The following SLC9A9 variants were observed in gnomAD, a reference collection of about 807,000 sequenced individuals.
SLC9A9 encodes sodium/hydrogen exchanger 9.
In SLC9A9, 62 loss-of-function variants were observed where a neutral mutation model predicts 77.8. That is an observed-to-expected ratio of 0.80 (90% CI 0.65 to 0.98). The LOEUF is 0.98. SLC9A9 is among the 50% of genes least tolerant of loss of function. The probability of loss-of-function intolerance (pLI) is 0.00; values close to 1 mark genes in which losing one functional copy is unlikely to be tolerated. For missense variants in SLC9A9, 775 were observed against 774.9 expected (o/e 1.00, Z 0.00); for synonymous variants, 320 against 283.5 (o/e 1.13, Z -1.29).
chr3:143,839,405 T>C (rs1303135595), intron 1 of SLC9A9, among the ~76,000 whole-genome samples: 1 of 152,126 alleles, frequency 6.6e-6, no homozygotes, highest in Non-Finnish European at 1.5e-5. Context: ...TAGAGTCATA[T>C]GAAAACTGCC....
chr3:143,734,641 G>C (rs1349633709), intron 4 of SLC9A9, among the ~76,000 whole-genome samples: 1 of 151,712 alleles, frequency 6.6e-6, no homozygotes, highest in South Asian at 2.1e-4. Flanking sequence ...GGCTGAGGCA[G>C]GGGAATCACT....
intron 14 of SLC9A9, among the ~76,000 whole-genome samples, chr3:143,335,839 A>T (rs1219749105): frequency 6.6e-6 from 1 of 152,200 alleles, no homozygotes; most frequent in Non-Finnish European, 1.5e-5. Context: ...AGCCTTTATG[A>T]TATTGGACTC....
chr3:143,705,952 T>G (rs1393779674), intron 4 of SLC9A9, among the ~76,000 whole-genome samples: 1 of 152,222 alleles, frequency 6.6e-6, no homozygotes, highest in Non-Finnish European at 1.5e-5. Context: ...AAGCGCTAAG[T>G]GTCCTACGAG....
chr3:143,363,047 C>A (rs938414716), intron 14 of SLC9A9, among the ~76,000 whole-genome samples: 1 of 152,110 alleles, frequency 6.6e-6, no homozygotes, highest in African/African-American at 2.4e-5. Flanking sequence ...CAGCATGAAA[C>A]AAAAACACAC....
intron 4 of SLC9A9, among the ~76,000 whole-genome samples, chr3:143,764,794 T>A (rs2007246992): frequency 6.6e-6 from 1 of 152,154 alleles, no homozygotes; most frequent in African/African-American, 2.4e-5. Flanking sequence ...CCAGACTGGT[T>A]TCTAACTCCT....
intron 4 of SLC9A9, among the ~76,000 whole-genome samples, chr3:143,749,235 C>T (rs1935277185): frequency 6.6e-6 from 1 of 152,116 alleles, no homozygotes; most frequent in Non-Finnish European, 1.5e-5. Context: ...TTGTTAAGAA[C>T]AAAAATAGCT....
At chr3:143,750,133 G>A (rs1314706101) in intron 4 of SLC9A9, among the ~76,000 whole-genome samples, 2 of 152,288 alleles carry the variant, frequency 1.3e-5, no homozygotes, top group East Asian at 3.9e-4. Context: ...GCATAATGCC[G>A]TATTGTCTTG....
chr3:143,760,417 C>T (rs888289193), intron 4 of SLC9A9, among the ~76,000 whole-genome samples: 12 of 152,158 alleles, frequency 7.9e-5, no homozygotes, highest in Non-Finnish European at 1.2e-4. Flanking sequence ...TCCCTGTTTG[C>T]GGATGACATG....
intron 14 of SLC9A9, among the ~76,000 whole-genome samples, chr3:143,351,778 G>A (rs886746698): frequency 1.2e-4 from 18 of 152,098 alleles, no homozygotes; most frequent in African/African-American, 4.3e-4. Context: ...GAGTCTGAAG[G>A]CCTTCAGGTC....
At chr3:143,296,966 T>C (rs1172833799) in intron 14 of SLC9A9, among the ~76,000 whole-genome samples, 2 of 152,244 alleles carry the variant, frequency 1.3e-5, no homozygotes, top group African/African-American at 4.8e-5. Flanking sequence ...TTTCTTCCAT[T>C]CTACAGGTTG....
At chr3:143,351,104 A>G (rs1453276648) in intron 14 of SLC9A9, among the ~76,000 whole-genome samples, 1 of 152,220 alleles carries the variant, frequency 6.6e-6, no homozygotes, top group Admixed American at 6.5e-5. Flanking sequence ...CTTTTTGATT[A>G]TGATCCCATT....
At chr3:143,370,565 GCGCA>G (rs1334121882) in intron 13 of SLC9A9, among the ~76,000 whole-genome samples, 1 of 38,382 alleles carries the variant, frequency 2.6e-5, no homozygotes, top group African/African-American at 1.2e-4. Flanking sequence ...ATGCATGTGC[GCGCA>G]CACACACACA....
chr3:143,645,936 A>C (rs1424570783), intron 6 of SLC9A9, among the ~76,000 whole-genome samples: 3 of 152,072 alleles, frequency 2.0e-5, no homozygotes, highest in Non-Finnish European at 2.9e-5. Context: ...CACACTGTGG[A>C]ATTATTTTAT....
At chr3:143,760,891 C>T (rs2108831980) in intron 4 of SLC9A9, among the ~76,000 whole-genome samples, 1 of 152,252 alleles carries the variant, frequency 6.6e-6, no homozygotes, top group Non-Finnish European at 1.5e-5. Context: ...CAAGACAATC[C>T]TAAGCCAAAA....
intron 2 of SLC9A9, among the ~76,000 whole-genome samples, chr3:143,810,229 G>C (rs966843714): frequency 6.6e-6 from 1 of 152,130 alleles, no homozygotes; most frequent in Admixed American, 6.5e-5. Flanking sequence ...GAGTGGAAAG[G>C]ATATGTACCA....
intron 11 of SLC9A9, among the ~76,000 whole-genome samples, chr3:143,482,349 G>A (rs1486801857): frequency 6.6e-6 from 1 of 152,192 alleles, no homozygotes. Flanking sequence ...GGTTATGTGA[G>A]CTCATGGATG....
At chr3:143,804,977 A>AT in intron 2 of SLC9A9, among the ~76,000 whole-genome samples, 1 of 152,232 alleles carries the variant, frequency 6.6e-6, no homozygotes, top group African/African-American at 2.4e-5. Context: ...GACTCTGTAT[A>AT]TTTTTAAATG....
chr3:143,608,865 T>C (rs960964975), intron 6 of SLC9A9, among the ~76,000 whole-genome samples: 1 of 152,160 alleles, frequency 6.6e-6, no homozygotes, highest in African/African-American at 2.4e-5. Context: ...TTTATTCTTT[T>C]AAAAAGAGTT....
At chr3:143,356,086 C>T (rs529819809) in intron 14 of SLC9A9, among the ~76,000 whole-genome samples, 3 of 152,184 alleles carry the variant, frequency 2.0e-5, no homozygotes, top group East Asian at 3.9e-4. Context: ...TCTTGGGATC[C>T]ACAATATTTT....
Sources: allele counts gnomAD v4.1 joint callset (sites outside exome capture counted in the v4.1 genomes callset), GRCh38; gene constraint gnomAD v4.1.1; transcripts MANE v1.5; gene names NCBI Gene and HGNC (gene_info 2026-07-23, HGNC 2026-07-21).